The following ZFR2 variants were observed in gnomAD, a reference collection of about 807,000 sequenced individuals.
The protein encoded by ZFR2 is zinc finger RNA-binding protein 2.
Under a neutral mutation model 105.7 loss-of-function variants are expected in ZFR2, and 104 were observed. That is an observed-to-expected ratio of 0.98 (90% CI 0.84 to 1.16). The LOEUF is 1.16. Among genes scored for constraint, ZFR2 ranks in the 50% most tolerant of loss-of-function variants. The pLI is 0.00. For missense variants in ZFR2, 1,425 were observed against 1,355.5 expected, an observed-to-expected ratio of 1.05 and a Z score of -0.80; for synonymous variants, 634 against 597.7, an observed-to-expected ratio of 1.06 and a Z score of -0.89.
intron 1 of ZFR2, among the ~76,000 whole-genome samples, chr19:3,839,850 G>T (rs2038118274): frequency 1.3e-5 from 2 of 152,068 alleles, no homozygotes; most frequent in Admixed American, 1.3e-4. Context: ...ATGTATGAAG[G>T]TTTTGTTTGT....
Position 3,823,344 on chromosome 19 carries a change from T to A in ZFR2, c.1273A>T (p.Lys425Ter), listed in dbSNP as rs748112789. ...RPQWGKPAQP[K>*]LEGPGAPTQG... ...GTAGGTGCTCCGGGACCCTCTAATT[T>A]AGGTTGGGCTGGTTTCCCCCACTGG... is the stretch of plus-strand genomic sequence containing the variant. Residue 425 changes from lysine to a stop codon, truncating the protein, a stop_gained, in exon 8 of 19, where the codon AAA becomes TAA. Coordinates refer to ENST00000262961, the MANE Select transcript of ZFR2 (RefSeq NM_015174.2). LOFTEE classifies it high-confidence loss of function. The surrounding 1 kb of genome is among the most constrained non-coding windows in gnomAD (Gnocchi z 5.4). The A allele has an allele frequency of 6.2e-7, 1 of 1,613,840 alleles. No homozygotes were observed. Among genetic ancestry groups the A allele is most frequent in the Non-Finnish European group, 8.5e-7 (1 of 1,179,804 alleles).
chr19:3,831,938 C>T (rs1272694033), intron 3 of ZFR2, 60 bp from the exon 4 acceptor site: 17 of 1,381,854 alleles, frequency 1.2e-5, no homozygotes, highest in Non-Finnish European at 1.6e-5. Context: ...CCCTCACCTG[C>T]AGATGGGCCC....
intron 1 of ZFR2, among the ~76,000 whole-genome samples, chr19:3,862,391 G>T (rs891782755): frequency 6.6e-6 from 1 of 152,098 alleles, no homozygotes; most frequent in Non-Finnish European, 1.5e-5. Flanking sequence ...TCCACCTCCC[G>T]GATTCAAGCG....
At chr19:3,829,225 G>A (rs1230475355) in intron 5 of ZFR2, among the ~76,000 whole-genome samples, 1 of 150,572 alleles carries the variant, frequency 6.6e-6, no homozygotes, top group East Asian at 2.0e-4. Flanking sequence ...GCCTCCCAAA[G>A]TGCTGGGATT....
Position 3,823,954 on chromosome 19 carries a change from G to A in ZFR2, c.1214-551C>T, listed in dbSNP as rs1320724640. Among the ~76,000 whole-genome samples the A allele has an allele frequency of 6.6e-6, 1 of 151,646 alleles. No individual in the cohort carries two copies. ...CCCGGGTTCCAATTCCACCTCCACC[G>A]TTTACGGCTTTTCCATCTACACATT... is the stretch of plus-strand genomic sequence containing the variant. On this transcript the variant is annotated intron_variant, in intron 7 of 18. Transcript: ENST00000262961. This position sits in a 1 kb window ranked among gnomAD's most constrained non-coding sequence, Gnocchi z 5.4.
chr19:3,859,383 T>G (rs2038344613), intron 1 of ZFR2, among the ~76,000 whole-genome samples: 1 of 152,222 alleles, frequency 6.6e-6, no homozygotes, highest in East Asian at 1.9e-4. Flanking sequence ...CTGGCTTCCT[T>G]GTGCCTCAGC....
At chr19:3,811,471 T>G in intron 14 of ZFR2, 105 bp from the exon 15 acceptor site, 1 of 1,056,800 alleles carries the variant, frequency 9.5e-7, no homozygotes, top group South Asian at 1.5e-5. Flanking sequence ...TTTTTTTTTT[T>G]TGAGACACAG....
chr19:3,804,215 A>T lies in ZFR2; in HGVS notation c.*1734T>A, dbSNP rs2037674576. 6.6e-6 allele frequency: 1 copy of T among 152,268 alleles called. No individual in the cohort carries two copies. The highest frequency in any genetic ancestry group is 1.5e-5 in the Non-Finnish European group (1 of 68,140). 9.4% of individuals were successfully genotyped at this position (152,268 alleles called of 1,614,324 possible). A position where few individuals can be genotyped will look rare whatever the true frequency, so the allele number is the denominator to read the frequency against. ...ACTGGGCAGCTGGCCAAAGAAAAAA[A>T]AACTGACCAAGCGGAAGGTTTGAAC... On this transcript the variant is annotated 3_prime_UTR_variant, in exon 19 of 19. Transcript: ENST00000262961.
intron 16 of ZFR2, among the ~76,000 whole-genome samples, chr19:3,809,892 T>C (rs1027367051): frequency 6.6e-6 from 1 of 152,208 alleles, no homozygotes. Flanking sequence ...TGCAGTGAGC[T>C]AAGATTTCGC....
intron 13 of ZFR2, among the ~76,000 whole-genome samples, chr19:3,816,210 G>A (rs967389486): frequency 1.4e-5 from 2 of 146,400 alleles, no homozygotes; most frequent in African/African-American, 5.1e-5. Flanking sequence ...TAACAAACTG[G>A]TTGGTTTCTA....
At chr19:3,836,792 A>C (rs187685080) in intron 1 of ZFR2, among the ~76,000 whole-genome samples, 18 of 152,310 alleles carry the variant, frequency 1.2e-4, no homozygotes, top group Admixed American at 2.6e-4. Context: ...GTTCAGACCC[A>C]GATCTTTCTG....
chr19:3,818,304 CAA>C (rs1206993621), intron 12 of ZFR2, among the ~76,000 whole-genome samples: 1 of 151,900 alleles, frequency 6.6e-6, no homozygotes, highest in Non-Finnish European at 1.5e-5. Context: ...CTCCCTGCTA[CAA>C]AGAGTTAACA....
At chr19:3,833,085 A>G (rs1214361844) in intron 3 of ZFR2, among the ~76,000 whole-genome samples, 1 of 151,522 alleles carries the variant, frequency 6.6e-6, no homozygotes, top group African/African-American at 2.4e-5. Context: ...CGTTTCTACT[A>G]AAAATAGAAA....
intron 7 of ZFR2, 120 bp downstream of exon 7, chr19:3,825,110 C>T: frequency 1.6e-6 from 2 of 1,229,574 alleles, no homozygotes; most frequent in Non-Finnish European, 2.1e-6. Flanking sequence ...CCAGCCAGCC[C>T]CTCACCACCC....
At chr19:3,816,967 C>T in intron 12 of ZFR2, 122 bp from the exon 13 acceptor site, 1 of 917,016 alleles carries the variant, frequency 1.1e-6, no homozygotes, top group South Asian at 1.7e-5. Context: ...TCGGCATCCT[C>T]ATCCATGAAA....
In ZFR2 at chr19:3,821,444, C is replaced by T. The variant is rs2037891876; in HGVS notation, c.1527G>A (p.Glu509=). 6.2e-7 allele frequency: 1 copy of T among 1,609,206 alleles called. No homozygotes were observed. Among genetic ancestry groups the T allele is most frequent in the Non-Finnish European group, 8.5e-7 (1 of 1,176,966 alleles). ...KVNPDLPIAT[E]PSSRARKVLE... is the part of the protein sequence containing the mutation. ...GGACCTTCCGAGCCCGGCTGCTGGG[C>T]TCCGTGGCAATGGGAAGGTCCGGGT... Residue 509 remains glutamate (E), a synonymous_variant, in exon 10 of 19, where the codon GAG becomes GAA. Transcript: ENST00000262961.
rs2038051270 is a variant in ZFR2 at position 3,834,173 on chromosome 19, T to C, written c.265-395A>G. ...AGTGACAGGGTGGCCTCTGATGCCG[T>C]TGACCGACACAATCTGGGGACGAGG... On this transcript the variant is annotated intron_variant, in intron 2 of 18. Transcript: ENST00000262961. This position sits in a 1 kb window ranked among gnomAD's most constrained non-coding sequence, Gnocchi z 5.3. Among the ~76,000 whole-genome samples, 3 of 151,984 alleles carry C rather than the reference T, an allele frequency of 2.0e-5. No homozygotes were observed. Among genetic ancestry groups the C allele is most frequent in the African/African-American group, 2.4e-5 (1 of 41,372 alleles).
rs567205275 is a variant in ZFR2 at position 3,814,375 on chromosome 19, C to T, written c.2104-417G>A. On this transcript the variant is annotated intron_variant, in intron 13 of 18. Coordinates refer to ENST00000262961, the MANE Select transcript of ZFR2 (RefSeq NM_015174.2). Reference sequence around the variant, plus strand: ...GGAGTAAACTAAAACCATAATGAGACGCCACCATCTCCTGTGAGCAGGACA... The same window carrying T: ...GGAGTAAACTAAAACCATAATGAGATGCCACCATCTCCTGTGAGCAGGACA... Among the ~76,000 whole-genome samples, 5 of 152,296 alleles carry T rather than the reference C, an allele frequency of 3.3e-5. No individual in the cohort carries two copies. The South Asian group carries it at 6.2e-4, about 19-fold the overall frequency.
intron 18 of ZFR2, among the ~76,000 whole-genome samples, 165 bp downstream of exon 18, chr19:3,807,007 C>G (rs1457692567): frequency 2.6e-5 from 4 of 152,198 alleles, no homozygotes; most frequent in Non-Finnish European, 4.4e-5. Flanking sequence ...CAGGCTGGCC[C>G]TGTCCCTGTG....
Sources: allele counts gnomAD v4.1 joint callset (sites outside exome capture counted in the v4.1 genomes callset), GRCh38; gene constraint gnomAD v4.1.1; non-coding constraint Gnocchi (gnomAD v3.1); transcripts MANE v1.5; gene names NCBI Gene and HGNC (gene_info 2026-07-23, HGNC 2026-07-21).